SEL1L3: variants seen among roughly 807,000 people sequenced by gnomAD.
SEL1L3 encodes SEL1L family member 3, also known as protein sel-1 homolog 3.
A neutral mutation model predicts 142.8 loss-of-function variants in SEL1L3; 76 were observed. That is an observed-to-expected ratio of 0.53 (90% CI 0.44 to 0.64). The LOEUF (loss-of-function observed/expected upper bound fraction) is 0.64. Among genes scored for constraint, SEL1L3 ranks in the 30% least tolerant of loss-of-function variants. SEL1L3 has a pLI of 0.00. For missense variants in SEL1L3, 1,262 were observed against 1,381.7 expected, an observed-to-expected ratio of 0.91 and a Z score of 1.37; for synonymous variants, 504 against 519.6, an observed-to-expected ratio of 0.97 and a Z score of 0.41.
rs111687099 is a variant in SEL1L3, at chr4:25,755,875, G to C, written c.3259+1659C>G. On this transcript the variant is annotated intron_variant, in intron 23 of 23. Coordinates refer to ENST00000399878, the MANE Select transcript of SEL1L3 (RefSeq NM_015187.5). ...AAAATGACAAAGACAATTTGAAATG[G>C]AAAACACTGACAAGATGCAAAATAA... 1,272 of 984,696 alleles carry C rather than the reference G, an allele frequency of 1.3e-3. 16 individuals are homozygous for C. In the African/African-American group the frequency reaches 0.02, roughly 16 times the overall value. 61.0% of individuals were successfully genotyped at this position (984,696 alleles called of 1,614,324 possible). A position where few individuals can be genotyped will look rare whatever the true frequency, so the allele number is the denominator to read the frequency against.
At chr4:25,722,624 C>CTTTTTTTTTTTTGTTTTTTTTTTTTTTT in the SEL1L3 span, among the ~76,000 whole-genome samples, 1 of 103,656 alleles carries the variant, frequency 9.6e-6, no homozygotes, top group African/African-American at 3.6e-5. Flanking sequence ...CCAAAGGAGG[C>CTTTTTTTTTTTTGTTTTTTTTTTTTTTT]TTTTTTTTTT....
Position 25,782,223 on chromosome 4 carries a change from G to C in SEL1L3, c.2457+19C>G. ...CAAGTGACTGACTAGTTGCAGAGTGGGTCTCAAGTCCTACTCACTTGATTC... is the reference window on the plus strand; with the variant it reads ...CAAGTGACTGACTAGTTGCAGAGTGCGTCTCAAGTCCTACTCACTTGATTC... On this transcript the variant is annotated intron_variant, in intron 15 of 23. Transcript: ENST00000399878. The C allele has an allele frequency of 6.2e-7, 1 of 1,607,342 alleles. No individual in the cohort carries two copies.
chr4:25,862,664 C>A lies in SEL1L3; in HGVS notation c.162+11G>T. 1 of 1,273,302 alleles carries A rather than the reference C, an allele frequency of 7.9e-7. No individual in the cohort carries two copies. The highest frequency in any genetic ancestry group is 2.5e-5 in the South Asian group (1 of 40,618). 78.9% of individuals were successfully genotyped at this position (1,273,302 alleles called of 1,614,324 possible). A position where few individuals can be genotyped will look rare whatever the true frequency, so the allele number is the denominator to read the frequency against. ...GCGGAGGGGAAGACCCGGGCAGGGT[C>A]CGGCGCTCACCAGGTAGCAGAGCAG... On this transcript the variant is annotated intron_variant, in intron 1 of 23. Transcript: ENST00000399878.
rs1244043748 is a variant in SEL1L3 at position 25,747,480 on chromosome 4, CAA to C, written c.*943_*944del. On this transcript the variant is annotated 3_prime_UTR_variant, in exon 24 of 24. Transcript: ENST00000399878. ...ATTTACTACTGTAAATAAAGTAGTG[CAA>C]AGAGTAGTTTGGACCCACAATATTG... The C allele has an allele frequency of 6.6e-6, 1 of 151,910 alleles. No homozygotes were observed. Among genetic ancestry groups the C allele is most frequent in the Non-Finnish European group, 1.5e-5 (1 of 67,980 alleles). 9.4% of individuals were successfully genotyped at this position (151,910 alleles called of 1,614,324 possible).
the SEL1L3 span, chr4:25,719,240 T>G: frequency 1.3e-5 from 2 of 152,102 alleles, no homozygotes; most frequent in Admixed American, 1.3e-4. Context: ...CCTTGATATC[T>G]TTTGAGTATA....
At chr4:25,797,300 A>G (rs1449973076) in intron 11 of SEL1L3, among the ~76,000 whole-genome samples, 1 of 152,096 alleles carries the variant, frequency 6.6e-6, no homozygotes, top group East Asian at 1.9e-4. Flanking sequence ...GGAACTCAGG[A>G]GCAGGCTCAG....
chr4:25,723,598 T>A, the SEL1L3 span, among the ~76,000 whole-genome samples: 3 of 152,212 alleles, frequency 2.0e-5, no homozygotes, highest in Admixed American at 1.3e-4. Context: ...AATGCAATTG[T>A]GGTCATGTCA....
chr4:25,768,781 C>A (rs1180265869), intron 17 of SEL1L3, among the ~76,000 whole-genome samples: 1 of 151,346 alleles, frequency 6.6e-6, no homozygotes, highest in Non-Finnish European at 1.5e-5. Context: ...AAAAACATAG[C>A]AAAATATTTA....
chr4:25,738,008 G>C, the SEL1L3 span, among the ~76,000 whole-genome samples: 1 of 152,016 alleles, frequency 6.6e-6, no homozygotes, highest in Non-Finnish European at 1.5e-5. Flanking sequence ...TCCTGCCTCA[G>C]CCGCCTGAGT....
At chr4:25,844,301 C>T (rs1287297088) in intron 2 of SEL1L3, among the ~76,000 whole-genome samples, 3 of 152,210 alleles carry the variant, frequency 2.0e-5, no homozygotes, top group Non-Finnish European at 4.4e-5. Flanking sequence ...CTCTTGTGAT[C>T]TGTCTTTTGG....
the SEL1L3 span, among the ~76,000 whole-genome samples, chr4:25,722,425 C>T: frequency 6.6e-6 from 1 of 152,046 alleles, no homozygotes; most frequent in African/African-American, 2.4e-5. Context: ...ATACTCTGAT[C>T]CCATTTAAGA....
chr4:25,758,812 CTTTTTG>C (rs1718176725), intron 21 of SEL1L3, 123 bp downstream of exon 21: 2 of 1,034,862 alleles, frequency 1.9e-6, no homozygotes, highest in Non-Finnish European at 2.7e-6. Flanking sequence ...CGGTGCCCTG[CTTTTTG>C]TTTTTGTTTT....
chr4:25,832,626 G>A (rs1218905372), intron 5 of SEL1L3, among the ~76,000 whole-genome samples: 1 of 152,034 alleles, frequency 6.6e-6, no homozygotes, highest in African/African-American at 2.4e-5. Flanking sequence ...TAAAAAAAAA[G>A]TTGTACATCT....
chr4:25,737,641 T>C, the SEL1L3 span, among the ~76,000 whole-genome samples: 4 of 152,202 alleles, frequency 2.6e-5, no homozygotes, highest in Non-Finnish European at 5.9e-5. Context: ...ATAACAAAAA[T>C]ACAGTAGTGT....
the SEL1L3 span, among the ~76,000 whole-genome samples, chr4:25,725,318 CTT>C: frequency 7.2e-5 from 10 of 139,440 alleles, no homozygotes; most frequent in East Asian, 6.2e-4. Context: ...TGCTGGTTGG[CTT>C]TTTTTTTTTT....
chr4:25,784,007 G>A (rs1432000059), intron 14 of SEL1L3, among the ~76,000 whole-genome samples: 1 of 152,154 alleles, frequency 6.6e-6, no homozygotes, highest in Non-Finnish European at 1.5e-5. Context: ...TTCAGCTTTT[G>A]AATTTTGCTG....
intron 1 of SEL1L3, among the ~76,000 whole-genome samples, chr4:25,856,262 C>T (rs1004937490): frequency 4.6e-5 from 7 of 152,148 alleles, no homozygotes; most frequent in African/African-American, 1.7e-4. Flanking sequence ...GGTAAGGTCA[C>T]GTATCTGTAT....
the SEL1L3 span, among the ~76,000 whole-genome samples, chr4:25,737,134 G>A: frequency 0.47 from 70,934 of 151,564 alleles, 17,036 homozygotes; most frequent in East Asian, 0.67. Context: ...ACAGGCACAC[G>A]CCACCACGCT....
At chr4:25,728,002 G>T in the SEL1L3 span, among the ~76,000 whole-genome samples, 9 of 152,172 alleles carry the variant, frequency 5.9e-5, no homozygotes, top group African/African-American at 2.2e-4. Flanking sequence ...CCGGTTCTCA[G>T]AACTCAATCC....
Sources: allele counts gnomAD v4.1 joint callset (sites outside exome capture counted in the v4.1 genomes callset), GRCh38; gene constraint gnomAD v4.1.1; transcripts MANE v1.5; gene names NCBI Gene and HGNC (gene_info 2026-07-23, HGNC 2026-07-21).